ATXN2: variants seen among roughly 807,000 people sequenced by gnomAD.
The protein encoded by ATXN2 is ataxin 2, also known as ataxin-2.
Under a neutral mutation model 138.6 loss-of-function variants are expected in ATXN2, and 37 were observed. The observed-to-expected ratio is 0.27, with a 90% CI of 0.21 to 0.35. The LOEUF is 0.35. ATXN2 is among the 10% of genes least tolerant of loss of function. The pLI, the probability that ATXN2 is intolerant of heterozygous loss-of-function variation, is 1.00. For missense variants in ATXN2, 1,216 were observed against 1,480.3 expected (o/e 0.82, Z 2.93); for synonymous variants, 549 against 543.7 (o/e 1.01, Z -0.13).
At chr12:111,489,069 A>G (rs1392836608) in intron 14 of ATXN2, among the ~76,000 whole-genome samples, 1 of 152,216 alleles carries the variant, frequency 6.6e-6, no homozygotes, top group Non-Finnish European at 1.5e-5. Context: ...AAAATATGAA[A>G]TAGTTTCTAT....
At chr12:111,466,988 A>G (rs964413013) in intron 20 of ATXN2, among the ~76,000 whole-genome samples, 4 of 152,150 alleles carry the variant, frequency 2.6e-5, no homozygotes, top group African/African-American at 9.6e-5. Context: ...GTTGTAGTTT[A>G]TAAGAATGTA....
intron 5 of ATXN2, among the ~76,000 whole-genome samples, chr12:111,528,359 A>T (rs1880620117): frequency 2.0e-5 from 3 of 152,186 alleles, no homozygotes; most frequent in African/African-American, 7.2e-5. Context: ...AAGTAGCTTA[A>T]ATATGTTTTT....
chr12:111,485,167 G>A, intron 18 of ATXN2, 98 bp downstream of exon 18: 1 of 1,159,328 alleles, frequency 8.6e-7, no homozygotes, highest in Non-Finnish European at 1.3e-6. Flanking sequence ...TCATCAAAAA[G>A]TCAGAGCTAA....
chr12:111,469,870 T>TAC, intron 20 of ATXN2: 2 of 474,182 alleles, frequency 4.2e-6, no homozygotes, highest in Non-Finnish European at 7.4e-6. Flanking sequence ...TGCCATTATA[T>TAC]ACATCATTAC....
intron 1 of ATXN2, among the ~76,000 whole-genome samples, chr12:111,590,940 G>C (rs548179322): frequency 5.3e-5 from 8 of 151,834 alleles, no homozygotes; most frequent in African/African-American, 9.7e-5. Flanking sequence ...CCAGGCTGAA[G>C]TACAGTGGTG....
rs748840991 is a variant in ATXN2 at position 111,464,691 on chromosome 12, T to C, written c.2867A>G (p.Lys956Arg). The change falls in exon 21 of 25, where the codon AAG becomes AGG. Residue 956 changes from lysine (K) to arginine (R), a missense_variant. Around this residue, in one of 4 missense-constraint regions of ATXN2, gnomAD observed 490 missense variants for 653.5 expected, o/e 0.75. Transcript: ENST00000673436. The part of the protein sequence containing the change: ...MYACPKLPYN[K>R]ETSPSFYFAI... ...AAAGTAGAAAGAAGGGCTTGTCTCCTTGTTGTATGGTAATTTGGGACATGC... is the reference window on the plus strand; with the variant it reads ...AAAGTAGAAAGAAGGGCTTGTCTCCCTGTTGTATGGTAATTTGGGACATGC... 3.7e-6 allele frequency: 6 copies of C among 1,611,408 alleles called. No homozygotes were observed. Among genetic ancestry groups the C allele is most frequent in the Non-Finnish European group, 5.1e-6 (6 of 1,177,996 alleles).
Position 111,540,358 on chromosome 12 carries a change from T to C in ATXN2, c.571+11922A>G, listed in dbSNP as rs1188246563. Among the ~76,000 whole-genome samples, 2 of 150,626 alleles carry C rather than the reference T, an allele frequency of 1.3e-5. 1 individual carries two copies. The highest frequency in any genetic ancestry group is 3.0e-5 in the Non-Finnish European group (2 of 67,214). ...ACATATGCATTACTTACCTATTCTT[T>C]ACCTAATAGAGAGTTTAAGAATGCT... On this transcript the variant is annotated intron_variant, in intron 5 of 24. Transcript: ENST00000673436.
chr12:111,534,007 A>G (rs907237466), intron 5 of ATXN2, among the ~76,000 whole-genome samples: 9 of 152,092 alleles, frequency 5.9e-5, no homozygotes, highest in African/African-American at 1.9e-4. Flanking sequence ...CCTATGTAAG[A>G]GAAAAAAAAA....
Position 111,573,557 on chromosome 12 carries a change from T to C in ATXN2, c.252-17638A>G, listed in dbSNP as rs374625694. On this transcript the variant is annotated intron_variant, in intron 1 of 24. Transcript: ENST00000673436. ...TATATTAGAAGCAATGGAACAGTTA[T>C]TAAAAAGCAAAGACTTTGAAATCTC... 6.6e-5 allele frequency among the ~76,000 whole-genome samples: 10 copies of C among 152,310 alleles called. No individual in the cohort carries two copies. The South Asian group carries it at 1.9e-3, about 28-fold the overall frequency.
intron 1 of ATXN2, among the ~76,000 whole-genome samples, chr12:111,561,634 G>A (rs1465843392): frequency 1.3e-5 from 2 of 152,112 alleles, no homozygotes; most frequent in East Asian, 3.9e-4. Context: ...AGGAGTTCAA[G>A]ACCAGCCTAG....
chr12:111,512,551 T>C (rs1879601290), intron 11 of ATXN2: 1 of 149,798 alleles, frequency 6.7e-6, no homozygotes, highest in African/African-American at 2.5e-5. Flanking sequence ...GCTTCCCGAG[T>C]TCATGCCATT....
intron 5 of ATXN2, among the ~76,000 whole-genome samples, chr12:111,526,321 G>A (rs954340873): frequency 6.6e-5 from 10 of 150,954 alleles, no homozygotes; most frequent in Admixed American, 2.6e-4. Context: ...ACGCCACTGT[G>A]CTCCAGCCTG....
intron 1 of ATXN2, among the ~76,000 whole-genome samples, chr12:111,591,846 C>G (rs760255266): frequency 6.6e-6 from 1 of 152,010 alleles, no homozygotes; most frequent in Non-Finnish European, 1.5e-5. Context: ...CTTTGGGAGG[C>G]CAAGGCAGGT....
chr12:111,455,532 A>G (rs866212543), intron 23 of ATXN2: 1 of 272,190 alleles, frequency 3.7e-6, no homozygotes, highest in Middle Eastern at 1.3e-3. Context: ...TTATGGTCAA[A>G]GCAGATATAT....
chr12:111,553,454 GTAATACC>G (rs1423815129), intron 3 of ATXN2, among the ~76,000 whole-genome samples: 1 of 150,196 alleles, frequency 6.7e-6, no homozygotes, highest in East Asian at 2.0e-4. Flanking sequence ...TAAATTACTT[GTAATACC>G]TAATATAATG....
At chr12:111,474,854 C>A (rs1302904581) in intron 18 of ATXN2, among the ~76,000 whole-genome samples, 1 of 151,846 alleles carries the variant, frequency 6.6e-6, no homozygotes, top group African/African-American at 2.4e-5. Flanking sequence ...GAGGCCGAGG[C>A]GGGTGGATCA....
At position 111,470,167 on chromosome 12, in the gene ATXN2, C is replaced by T. The variant is rs1876311090; in HGVS notation, c.2783G>A (p.Gly928Asp). 7 of 1,614,132 alleles carry T rather than the reference C, an allele frequency of 4.3e-6. No homozygotes were observed. The highest frequency in any genetic ancestry group is 5.9e-6 in the Non-Finnish European group (7 of 1,179,992). The change falls in exon 20 of 25, where the codon GGT becomes GAT. Residue 928 changes from glycine to aspartate, a missense_variant. This residue lies in a region of ATXN2 where 490 missense variants were observed against 653.5 expected (regional missense o/e 0.75). Coordinates refer to ENST00000673436, the MANE Select transcript of ATXN2 (RefSeq NM_001372574.1). ...CTGAGTTGCTGAAGAAGATACTAAA[C>T]CAGGCTGGGCGTGTGTTGGTGGTGC... Reference protein sequence around the residue: ...MMAPPTHAQPGLVSSSATQYG... With the variant: ...MMAPPTHAQPDLVSSSATQYG...
chr12:111,488,621 G>A lies in ATXN2; in HGVS notation c.2095C>T (p.Pro699Ser). 6.2e-7 allele frequency: 1 copy of A among 1,614,146 alleles called. No homozygotes were observed. The change falls in exon 15 of 25, where the codon CCG becomes TCG. Residue 699 changes from proline to serine, a missense_variant. Physicochemically the swap from Pro to Ser is moderately conservative, Grantham distance 74. Transcript: ENST00000673436. ...SSNCTSGSSK[P>S]NSPSISPSIL... Reference sequence around the variant, plus strand: ...GAAGGGGAAATGCTGGGGCTATTCGGCTTGCTGCTGCCACTGGTACAGTTG... The same window carrying A: ...GAAGGGGAAATGCTGGGGCTATTCGACTTGCTGCTGCCACTGGTACAGTTG...
At chr12:111,469,939 C>A in intron 20 of ATXN2, 169 bp downstream of exon 20, 1 of 741,674 alleles carries the variant, frequency 1.3e-6, no homozygotes. Flanking sequence ...AAACTATTTG[C>A]CAAAAGTTAT....
Sources: gnomAD v4.1 joint callset for allele counts (sites outside exome capture counted in the v4.1 genomes callset) on GRCh38, gnomAD v4.1.1 for gene constraint, gnomAD v4.1.1 regional missense constraint, MANE v1.5 for transcripts, NCBI Gene and HGNC (gene_info 2026-07-23, HGNC 2026-07-21) for gene names.